The following DLG2 variants were observed in gnomAD, a reference collection of about 807,000 sequenced individuals.
DLG2 encodes discs large MAGUK scaffold protein 2.
In DLG2, 45 loss-of-function variants were observed where a neutral mutation model predicts 132.5. That is an observed-to-expected ratio of 0.34 (90% CI 0.27 to 0.44). The LOEUF is 0.44. Ranked by LOEUF, DLG2 falls within the 20% of genes least tolerant of loss-of-function variation. The pLI is 1.00. For synonymous variants in DLG2, 424 were observed against 419.6 expected (o/e 1.01, Z -0.13); for missense variants, 1,045 against 1,196.9 (o/e 0.87, Z 1.87).
At chr11:85,615,862 C>G (rs887702097) in intron 2 of DLG2, among the ~76,000 whole-genome samples, 5 of 151,984 alleles carry the variant, frequency 3.3e-5, no homozygotes, top group Non-Finnish European at 4.4e-5. Flanking sequence ...TGAACCCAAA[C>G]CACTGATGGA....
chr11:84,881,337 A>G (rs926425453), intron 6 of DLG2, among the ~76,000 whole-genome samples: 2 of 152,156 alleles, frequency 1.3e-5, no homozygotes, highest in African/African-American at 4.8e-5. Context: ...AGCAAGTTTC[A>G]TGAATTTCTC....
intron 10 of DLG2, among the ~76,000 whole-genome samples, chr11:84,066,776 G>A (rs1405709519): frequency 6.6e-6 from 1 of 151,958 alleles, no homozygotes; most frequent in Non-Finnish European, 1.5e-5. Flanking sequence ...AAGAAAAAAA[G>A]TAAAAAAAGG....
intron 7 of DLG2, among the ~76,000 whole-genome samples, chr11:84,481,364 C>G (rs2099137150): frequency 1.3e-5 from 2 of 152,000 alleles, no homozygotes; most frequent in African/African-American, 4.8e-5. Flanking sequence ...CTTCTTTTAC[C>G]CAGAGGCCTC....
chr11:84,607,958 A>T (rs1007799707), intron 6 of DLG2, among the ~76,000 whole-genome samples: 5 of 152,168 alleles, frequency 3.3e-5, no homozygotes, highest in Admixed American at 1.3e-4. Flanking sequence ...AGTCTCTCTG[A>T]ACAGCTTTTC....
At chr11:84,002,619 C>T (rs189316106) in intron 11 of DLG2, among the ~76,000 whole-genome samples, 1 of 152,254 alleles carries the variant, frequency 6.6e-6, no homozygotes, top group East Asian at 1.9e-4. Context: ...GCCCCTTTTA[C>T]TCATGGCTGG....
intron 6 of DLG2, among the ~76,000 whole-genome samples, chr11:84,848,115 A>T (rs1468886411): frequency 1.3e-5 from 2 of 152,158 alleles, no homozygotes; most frequent in Non-Finnish European, 2.9e-5. Flanking sequence ...CCCGGAGAGC[A>T]CAACTATTCT....
intron 18 of DLG2, among the ~76,000 whole-genome samples, chr11:83,652,401 C>T (rs949138964): frequency 1.3e-5 from 2 of 152,144 alleles, no homozygotes; most frequent in African/African-American, 2.4e-5. Flanking sequence ...GATGGAGTCT[C>T]GCTCTGTCAC....
chr11:85,421,840 G>C (rs911906821), intron 3 of DLG2, among the ~76,000 whole-genome samples: 1 of 152,052 alleles, frequency 6.6e-6, no homozygotes, highest in African/African-American at 2.4e-5. Flanking sequence ...TTTGTTTCAA[G>C]ATTTAGAGCT....
At chr11:84,144,093 G>A (rs1442082654) in intron 9 of DLG2, among the ~76,000 whole-genome samples, 2 of 152,058 alleles carry the variant, frequency 1.3e-5, no homozygotes, top group East Asian at 1.9e-4. Flanking sequence ...GCCCTATGCA[G>A]TTTCCTAAAA....
intron 18 of DLG2, among the ~76,000 whole-genome samples, chr11:83,783,274 C>T (rs896885232): frequency 2.0e-5 from 3 of 152,124 alleles, no homozygotes; most frequent in African/African-American, 7.2e-5. Context: ...TGGAGACAAG[C>T]TCATTTTAAG....
intron 7 of DLG2, among the ~76,000 whole-genome samples, chr11:84,329,926 A>C (rs2098450986): frequency 6.6e-6 from 1 of 152,170 alleles, no homozygotes. Context: ...TCCCAAACCA[A>C]CTCTGACCAT....
At chr11:83,761,866 A>G (rs1265585919) in intron 18 of DLG2, among the ~76,000 whole-genome samples, 1 of 152,194 alleles carries the variant, frequency 6.6e-6, no homozygotes, top group Non-Finnish European at 1.5e-5. Flanking sequence ...AATAAAATGT[A>G]TCTTTATTTG....
chr11:85,002,445 C>A (rs938726184), intron 6 of DLG2, among the ~76,000 whole-genome samples: 2 of 152,132 alleles, frequency 1.3e-5, no homozygotes, highest in Non-Finnish European at 2.9e-5. Flanking sequence ...TAGTGTTTCT[C>A]AAAGTAGGGC....
chr11:84,389,644 C>T (rs560907733), intron 7 of DLG2, among the ~76,000 whole-genome samples: 8 of 152,146 alleles, frequency 5.3e-5, no homozygotes, highest in Non-Finnish European at 1.2e-4. Context: ...ATTTATCCTC[C>T]AGAATAATTT....
intron 4 of DLG2, among the ~76,000 whole-genome samples, chr11:85,218,651 G>T (rs907288879): frequency 2.0e-5 from 3 of 152,154 alleles, no homozygotes; most frequent in African/African-American, 7.2e-5. Context: ...GTGGGAAATT[G>T]TCTGAAGATT....
chr11:84,579,080 C>T (rs2099510300), intron 6 of DLG2, among the ~76,000 whole-genome samples: 1 of 152,076 alleles, frequency 6.6e-6, no homozygotes, highest in South Asian at 2.1e-4. Flanking sequence ...CTGAGGCCTC[C>T]TCAGCCATGT....
chr11:85,252,255 G>A (rs1831968103), intron 4 of DLG2, among the ~76,000 whole-genome samples: 1 of 152,166 alleles, frequency 6.6e-6, no homozygotes, highest in Admixed American at 6.5e-5. Flanking sequence ...AGATAGAAAG[G>A]GATCTTTTGT....
At chr11:83,821,964 A>G (rs1384038020) in intron 17 of DLG2, among the ~76,000 whole-genome samples, 1 of 152,104 alleles carries the variant, frequency 6.6e-6, no homozygotes, top group African/African-American at 2.4e-5. Context: ...TAAAAGAGGG[A>G]ATTTGGATGG....
At chr11:84,628,089 T>C (rs948914377) in intron 6 of DLG2, among the ~76,000 whole-genome samples, 11 of 140,512 alleles carry the variant, frequency 7.8e-5, no homozygotes, top group South Asian at 4.9e-4. Flanking sequence ...TATATATATG[T>C]ACACACATAT....
Sources: allele counts gnomAD v4.1 joint callset (sites outside exome capture counted in the v4.1 genomes callset), GRCh38; gene constraint gnomAD v4.1.1; transcripts MANE v1.5; gene names NCBI Gene and HGNC (gene_info 2026-07-23, HGNC 2026-07-21).